SOS2: variants seen among roughly 807,000 people sequenced by gnomAD.
SOS2 encodes the protein SOS Ras/Rho guanine nucleotide exchange factor 2.
SOS2 carries 65 observed loss-of-function variants against 148.2 expected under a neutral mutation model. The ratio of observed to expected loss-of-function variants is 0.44; its 90% CI spans 0.36 to 0.54. The LOEUF is 0.54. Ranked by LOEUF, SOS2 falls within the 20% of genes least tolerant of loss-of-function variation. The pLI is 0.00. For synonymous variants in SOS2, 539 were observed against 537.1 expected (o/e 1.00, Z -0.05); for missense variants, 1,341 against 1,590.2 (o/e 0.84, Z 2.67).
chr14:50,138,549 AT>A (rs35961944), intron 18 of SOS2, 62 bp downstream of exon 18: 15,108 of 580,478 alleles, frequency 0.026, 1 homozygote, highest in East Asian at 0.057. Context: ...TATTCATTCT[AT>A]TTTTTTTTTT....
At chr14:50,157,316 A>G (rs1482804212) in intron 11 of SOS2, among the ~76,000 whole-genome samples, 195 bp from the exon 12 acceptor site, 4 of 152,180 alleles carry the variant, frequency 2.6e-5, no homozygotes, top group Non-Finnish European at 5.9e-5. Flanking sequence ...TACTTTTATA[A>G]AAACTAAAGT....
intron 6 of SOS2, among the ~76,000 whole-genome samples, chr14:50,180,898 T>G (rs772824307): frequency 1.3e-5 from 2 of 152,078 alleles, no homozygotes; most frequent in Non-Finnish European, 2.9e-5. Context: ...AAGATTTCTT[T>G]TCCCATTAGA....
intron 13 of SOS2, among the ~76,000 whole-genome samples, chr14:50,150,958 C>T (rs747257989): frequency 1.3e-5 from 2 of 151,928 alleles, no homozygotes; most frequent in African/African-American, 2.4e-5. Flanking sequence ...CTCCTGACCT[C>T]GTGATCTGCC....
chr14:50,203,070 G>A (rs920034223), intron 2 of SOS2, among the ~76,000 whole-genome samples: 1 of 149,760 alleles, frequency 6.7e-6, no homozygotes, highest in Non-Finnish European at 1.5e-5. Flanking sequence ...GAGGCTGGAG[G>A]ACAACTTGGG....
chr14:50,192,908 A>T (rs368419409), intron 4 of SOS2, among the ~76,000 whole-genome samples: 8 of 152,132 alleles, frequency 5.3e-5, no homozygotes, highest in African/African-American at 1.9e-4. Context: ...AAAACAAAAG[A>T]AAGAAAATAC....
chr14:50,198,832 T>C (rs549445038), intron 4 of SOS2, among the ~76,000 whole-genome samples: 20 of 152,356 alleles, frequency 1.3e-4, no homozygotes, highest in African/African-American at 4.6e-4. Context: ...GTAAAATAAA[T>C]ACCTTCTAAC....
chr14:50,188,234 C>A (rs543068079), intron 5 of SOS2, among the ~76,000 whole-genome samples: 24 of 152,110 alleles, frequency 1.6e-4, no homozygotes, highest in African/African-American at 5.1e-4. Context: ...GAAACCCCAT[C>A]TCTACTAAAA....
chr14:50,158,496 A>G, intron 11 of SOS2, 69 bp downstream of exon 11: 5 of 871,394 alleles, frequency 5.7e-6, no homozygotes, highest in Non-Finnish European at 9.4e-6. Flanking sequence ...ATTAGGTACT[A>G]GGCACTTTAC....
intron 5 of SOS2, 68 bp from the exon 6 acceptor site, chr14:50,182,674 A>T (rs1256883838): frequency 7.6e-7 from 1 of 1,321,596 alleles, no homozygotes; most frequent in South Asian, 1.2e-5. Flanking sequence ...ACTAAATATA[A>T]AGAGCAATAT....
At chr14:50,227,701 G>T (rs1028582422) in intron 1 of SOS2, among the ~76,000 whole-genome samples, 2 of 152,192 alleles carry the variant, frequency 1.3e-5, no homozygotes, top group African/African-American at 2.4e-5. Flanking sequence ...GGGATTACAG[G>T]CATGAGCCAC....
At chr14:50,200,835 G>A in intron 3 of SOS2, 118 bp downstream of exon 3, 1 of 783,866 alleles carries the variant, frequency 1.3e-6, no homozygotes, top group South Asian at 1.9e-5. Flanking sequence ...GCATACATAT[G>A]GAAGTGCACA....
chr14:50,160,779 C>G (rs1451067886), intron 9 of SOS2, among the ~76,000 whole-genome samples: 3 of 152,110 alleles, frequency 2.0e-5, no homozygotes, highest in Non-Finnish European at 4.4e-5. Context: ...GCAGGCAGAT[C>G]ACCTGAGCCC....
At chr14:50,229,255 CATACGTATGTATTTCAAT>C (rs1464741320) in intron 1 of SOS2, among the ~76,000 whole-genome samples, 2 of 152,032 alleles carry the variant, frequency 1.3e-5, no homozygotes, top group Non-Finnish European at 2.9e-5. Context: ...AAAAATTTTC[CATACGTATGTATTTCAAT>C]TCTATCACAA....
intron 4 of SOS2, among the ~76,000 whole-genome samples, chr14:50,197,690 T>A (rs1195109568): frequency 1.0e-4 from 1 of 9,688 alleles, no homozygotes; most frequent in Non-Finnish European, 2.5e-4. Context: ...CTTTACCACC[T>A]TTTTTTTTTT....
At position 50,159,727 on chromosome 14, in the gene SOS2, T is replaced by A; in HGVS notation, c.1556A>T (p.Glu519Val). The change falls in exon 10 of 23, where the codon GAG becomes GTG. Residue 519 changes from glutamate (E) to valine (V), a missense_variant. Glu to Val is a moderately radical substitution (Grantham distance 121). Coordinates refer to ENST00000216373, the MANE Select transcript of SOS2 (RefSeq NM_006939.4). Reference sequence around the variant, plus strand: ...CTTAGCAGCAAATATTATGCTGTTCTCATCTTTGGATACTAATTCAAATGC... The same window carrying A: ...CTTAGCAGCAAATATTATGCTGTTCACATCTTTGGATACTAATTCAAATGC... ...KHAFELVSKD[E>V]NSIIFAAKSA... 1 of 1,614,136 alleles carries A rather than the reference T, an allele frequency of 6.2e-7. No homozygotes were observed. The highest frequency in any genetic ancestry group is 1.7e-4 in the Middle Eastern group (1 of 6,060).
intron 16 of SOS2, among the ~76,000 whole-genome samples, chr14:50,140,610 A>G (rs1193582318): frequency 6.6e-6 from 1 of 152,238 alleles, no homozygotes; most frequent in African/African-American, 2.4e-5. Flanking sequence ...TTGATGGAGA[A>G]CCATTCAGTC....
rs1487933858 is a variant in SOS2 at position 50,174,501 on chromosome 14, T to A, written c.1021A>T (p.Met341Leu). 6.2e-7 allele frequency: 1 copy of A among 1,611,130 alleles called. No homozygotes were observed. The highest frequency in any genetic ancestry group is 2.2e-5 in the East Asian group (1 of 44,820). The change falls in exon 8 of 23, where the codon ATG (methionine) becomes TTG (leucine). Residue 341 changes from methionine to leucine, a missense_variant. Met to Leu is a conservative substitution (Grantham distance 15). Around this residue, in one of 4 missense-constraint regions of SOS2, gnomAD observed 574 missense variants for 711.1 expected, o/e 0.81. Coordinates refer to ENST00000216373, the MANE Select transcript of SOS2 (RefSeq NM_006939.4). Reference sequence around the variant, plus strand: ...CAACAGTGATACACTGGCACCAGCATAAGACGTGGAAGGACATAACGAACT... The same window carrying A: ...CAACAGTGATACACTGGCACCAGCAAAAGACGTGGAAGGACATAACGAACT... ...EAVRYVLPRL[M>L]LVPVYHCWHY...
intron 21 of SOS2, among the ~76,000 whole-genome samples, chr14:50,126,784 A>T (rs1225875489): frequency 1.3e-5 from 2 of 152,120 alleles, no homozygotes; most frequent in Non-Finnish European, 2.9e-5. Flanking sequence ...AAGAAAAAGG[A>T]GCTCCACAAA....
At chr14:50,139,724 TACAG>T (rs1884207763) in intron 17 of SOS2, among the ~76,000 whole-genome samples, 1 of 152,194 alleles carries the variant, frequency 6.6e-6, no homozygotes, top group Non-Finnish European at 1.5e-5. Flanking sequence ...TATTAGGTAG[TACAG>T]ACAAAATATT....
Sources: gnomAD v4.1 joint callset for allele counts (sites outside exome capture counted in the v4.1 genomes callset) on GRCh38, gnomAD v4.1.1 for gene constraint, gnomAD v4.1.1 regional missense constraint, MANE v1.5 for transcripts, NCBI Gene and HGNC (gene_info 2026-07-23, HGNC 2026-07-21) for gene names.